Variants in RCOR3 observed in about 807,000 individuals in gnomAD.
The protein encoded by RCOR3 is REST corepressor 3.
In RCOR3, 13 loss-of-function variants were observed where a neutral mutation model predicts 64.1. The observed-to-expected ratio is 0.20, with a 90% confidence interval of 0.13 to 0.32. RCOR3 has a LOEUF of 0.32. Among genes scored for constraint, RCOR3 ranks in the 10% least tolerant of loss-of-function variants. The probability of loss-of-function intolerance (pLI) is 1.00; values close to 1 mark genes in which losing one functional copy is unlikely to be tolerated. For synonymous variants in RCOR3, 215 were observed against 239.0 expected (o/e 0.90, Z 0.93); for missense variants, 489 against 701.2 (o/e 0.70, Z 3.42).
intron 5 of RCOR3, among the ~76,000 whole-genome samples, chr1:211,277,741 AGGT>A (rs1412790880): frequency 1.3e-5 from 2 of 152,186 alleles, no homozygotes; most frequent in Non-Finnish European, 1.5e-5. Flanking sequence ...AATTAGATAG[AGGT>A]GGTGATTGTA....
At position 211,312,972 on chromosome 1, in the gene RCOR3, G is replaced by T. The variant is rs1470525474; in HGVS notation, c.1317+11G>T. 1.1e-5 allele frequency: 18 copies of T among 1,614,006 alleles called. No individual in the cohort carries two copies. The highest frequency in any genetic ancestry group is 1.5e-5 in the Non-Finnish European group (18 of 1,180,016). ...GATGAAGAAGAGGAGGTGTGTTTGT[G>T]TATGGAATTTGAGCTAATATGAGTT... is the stretch of plus-strand genomic sequence containing the variant. On this transcript the variant is annotated intron_variant, in intron 11 of 11. Coordinates refer to ENST00000419091, the MANE Select transcript of RCOR3 (RefSeq NM_001136223.3). This position sits in a 1 kb window ranked among gnomAD's most constrained non-coding sequence, Gnocchi z 5.0.
chr1:211,286,957 C>T (rs901221470), intron 7 of RCOR3, among the ~76,000 whole-genome samples: 1 of 152,148 alleles, frequency 6.6e-6, no homozygotes, highest in African/African-American at 2.4e-5. Flanking sequence ...TTAGTGAAGA[C>T]CTGTTGGTCA....
intron 9 of RCOR3, 103 bp from the exon 10 acceptor site, chr1:211,303,977 TGTA>T (rs1173136254): frequency 2.6e-5 from 15 of 575,518 alleles, no homozygotes; most frequent in East Asian, 6.1e-5. Context: ...GAATCAGAGT[TGTA>T]GTAATCTCAT....
At position 211,313,646 on chromosome 1, in the gene RCOR3, A is replaced by G. The variant is rs775970447; in HGVS notation, c.1540A>G (p.Ile514Val). 8.7e-6 allele frequency: 14 copies of G among 1,613,974 alleles called. No homozygotes were observed. The highest frequency in any genetic ancestry group is 1.0e-5 in the Non-Finnish European group (12 of 1,180,014). ...PTLNQPPPPL[I>V]RPANSMPPRL... The stretch of plus-strand genomic sequence containing the variant: ...TTTAAATCAGCCTCCACCACCTCTT[A>G]TTCGCCCTGCTAATTCCATGCCACC... Residue 514 changes from isoleucine (I) to valine (V), a missense_variant, in exon 12 of 12, where the codon ATT becomes GTT. Transcript: ENST00000419091. This position sits in a 1 kb window ranked among gnomAD's most constrained non-coding sequence, Gnocchi z 4.7.
intron 9 of RCOR3, among the ~76,000 whole-genome samples, chr1:211,299,341 T>A (rs572633319): frequency 8.6e-4 from 131 of 152,306 alleles, no homozygotes; most frequent in South Asian, 1.2e-3. Context: ...GTCGCTGGCA[T>A]GTCTTCTGCT....
intron 2 of RCOR3, among the ~76,000 whole-genome samples, chr1:211,263,072 T>A (rs1011697117): frequency 1.5e-5 from 2 of 136,930 alleles, no homozygotes; most frequent in Admixed American, 8.3e-5. Flanking sequence ...CCTTCCTGTG[T>A]CCGTGTGTTC....
intron 8 of RCOR3, among the ~76,000 whole-genome samples, chr1:211,289,942 A>T (rs1365758141): frequency 6.6e-6 from 1 of 152,130 alleles, no homozygotes; most frequent in Admixed American, 6.6e-5. Flanking sequence ...GAGCTCTTTA[A>T]CTTCTTTCAG....
At chr1:211,260,858 C>T (rs978971046) in intron 2 of RCOR3, 9 of 152,488 alleles carry the variant, frequency 5.9e-5, no homozygotes, top group African/African-American at 1.7e-4. Context: ...CATTTTCTCC[C>T]CGACCAGCCA....
chr1:211,288,520 TAA>T lies in RCOR3; in HGVS notation c.721-657_721-656del, dbSNP rs1698840997. On this transcript the variant is annotated intron_variant, in intron 7 of 11. Transcript: ENST00000419091. Reference sequence around the variant, plus strand: ...ATAAATTATTTTATAAATATATTTATAATAAATTTATAAATTATAAAATTATT... The same window carrying T: ...ATAAATTATTTTATAAATATATTTATTAAATTTATAAATTATAAAATTATT... Among the ~76,000 whole-genome samples the T allele has an allele frequency of 4.1e-5, 6 of 145,598 alleles. No individual in the cohort carries two copies. In the East Asian group the frequency reaches 5.9e-4, roughly 14 times the overall value.
chr1:211,263,825 T>G lies in RCOR3; in HGVS notation c.223+3661T>G, dbSNP rs562017219. On this transcript the variant is annotated intron_variant, in intron 2 of 11. Coordinates refer to ENST00000419091, the MANE Select transcript of RCOR3 (RefSeq NM_001136223.3). ...TGAAAAGTTTTTTTTGTTTTGTTTT[T>G]TTTTTGTTTTTTTTAGGCAGAGTCT... Among the ~76,000 whole-genome samples, 38 of 151,416 alleles carry G rather than the reference T, an allele frequency of 2.5e-4. 1 individual carries two copies. The highest frequency in any genetic ancestry group is 8.4e-4 in the African/African-American group (35 of 41,464).
chr1:211,293,951 T>G (rs368666928), intron 8 of RCOR3, among the ~76,000 whole-genome samples: 1 of 152,216 alleles, frequency 6.6e-6, no homozygotes, highest in African/African-American at 2.4e-5. Flanking sequence ...AAACTTGGTA[T>G]AGTTTAAATT....
At chr1:211,271,170 T>C (rs1164710313) in intron 2 of RCOR3, 62 bp from the exon 3 acceptor site, 1 of 1,488,988 alleles carries the variant, frequency 6.7e-7, no homozygotes, top group Admixed American at 1.7e-5. Flanking sequence ...TTACTTTGTT[T>C]CTACTTATTT....
intron 4 of RCOR3, 32 bp downstream of exon 4, chr1:211,274,294 T>G: frequency 7.0e-7 from 1 of 1,433,748 alleles, no homozygotes; most frequent in Non-Finnish European, 9.8e-7. Context: ...TAGTAAGGCT[T>G]GTCCCAATAT....
chr1:211,279,304 A>G lies in RCOR3; in HGVS notation c.708A>G (p.Glu236=). The G allele has an allele frequency of 6.2e-7, 1 of 1,610,252 alleles. No individual in the cohort carries two copies. The highest frequency in any genetic ancestry group is 8.5e-7 in the Non-Finnish European group (1 of 1,177,014). Residue 236 remains glutamate, a synonymous_variant, in exon 7 of 12, where the codon GAA becomes GAG. Transcript: ENST00000419091. ...GNDSDYDPKK[E]AKKEGNTEQP... is the part of the protein sequence containing the mutation. ...ATAGTGATTATGATCCCAAAAAAGA[A>G]GCCAAAAAAGAGGTAATGATGATCA...
rs145681038 is a variant in RCOR3, at chr1:211,260,136, C to T, written c.195C>T (p.Tyr65=). 5.1e-5 allele frequency: 82 copies of T among 1,612,108 alleles called. No individual in the cohort carries two copies. In the African/African-American group the frequency reaches 8.6e-4, roughly 17 times the overall value. ...HDVGMRVGAE[Y]QARIPEFDPG... is the part of the protein sequence containing the mutation. ...TTGGGATGAGAGTCGGAGCCGAATA[C>T]CAAGCTCGGATCCCTGAATTTGATC... Residue 65 remains tyrosine, a synonymous_variant, in exon 2 of 12, where the codon TAC becomes TAT. Coordinates refer to ENST00000419091, the MANE Select transcript of RCOR3 (RefSeq NM_001136223.3).
rs1228228279 is a variant in RCOR3, at chr1:211,259,666, A to G, written c.106A>G (p.Thr36Ala). Residue 36 changes from threonine to alanine, a missense_variant, in exon 1 of 12, where the codon ACC becomes GCC. By Grantham distance (58) the Thr-to-Ala change is moderately conservative. Transcript: ENST00000419091. Reference sequence around the variant, plus strand: ...CGGCGGCGGCAGCGGCGCCTCGTCCACCAACGGCGGGCTGCACTACTCAGA... The same window carrying G: ...CGGCGGCGGCAGCGGCGCCTCGTCCGCCAACGGCGGGCTGCACTACTCAGA... Reference protein sequence around the residue: ...AGGGGSGASSTNGGLHYSEPE... With the variant: ...AGGGGSGASSANGGLHYSEPE... The G allele has an allele frequency of 2.6e-6, 4 of 1,546,076 alleles. No individual in the cohort carries two copies. In the East Asian group the frequency reaches 9.9e-5, roughly 38 times the overall value.
chr1:211,291,425 A>G, intron 8 of RCOR3: 1 of 379,118 alleles, frequency 2.6e-6, no homozygotes, highest in South Asian at 2.0e-5. Flanking sequence ...TTATGCAAAT[A>G]TCCCAAAATC....
Position 211,289,333 on chromosome 1 carries a change from T to C in RCOR3, c.876T>C (p.Ser292=), listed in dbSNP as rs1698954002. 2 of 1,614,084 alleles carry C rather than the reference T, an allele frequency of 1.2e-6. No homozygotes were observed. Among genetic ancestry groups the C allele is most frequent in the African/African-American group, 2.7e-5 (2 of 75,014 alleles). The part of the protein sequence containing the change: ...TQEDVVAVSC[S]PNAANTILRQ... ...AAGATGTGGTAGCAGTTTCCTGTAGTCCCAATGCAGCCAACACCATCCTGA... is the reference window on the plus strand; with the variant it reads ...AAGATGTGGTAGCAGTTTCCTGTAGCCCCAATGCAGCCAACACCATCCTGA... The change falls in exon 8 of 12, where the codon AGT becomes AGC. Residue 292 remains serine, a synonymous_variant. Coordinates refer to ENST00000419091, the MANE Select transcript of RCOR3 (RefSeq NM_001136223.3).
Position 211,315,604 on chromosome 1 carries a change from C to G in RCOR3, c.*1836C>G, listed in dbSNP as rs1306994122. ...ACATTTTTTAAAGCACTTAGATTGTCTTACGTATGTGCATACTATACCTTT... is the reference window on the plus strand; with the variant it reads ...ACATTTTTTAAAGCACTTAGATTGTGTTACGTATGTGCATACTATACCTTT... On this transcript the variant is annotated 3_prime_UTR_variant, in exon 12 of 12. Coordinates refer to ENST00000419091, the MANE Select transcript of RCOR3 (RefSeq NM_001136223.3). The G allele has an allele frequency of 1.3e-5, 2 of 152,188 alleles. No homozygotes were observed. The highest frequency in any genetic ancestry group is 1.3e-4 in the Admixed American group (2 of 15,284). The allele number at this position is 152,188 out of a possible 1,614,324, so 9.4% of individuals were successfully genotyped here. A position where few individuals can be genotyped will look rare whatever the true frequency, so the allele number is the denominator to read the frequency against.
Sources: gnomAD v4.1 joint callset for allele counts (sites outside exome capture counted in the v4.1 genomes callset) on GRCh38, gnomAD v4.1.1 for gene constraint, Gnocchi (gnomAD v3.1) non-coding constraint, MANE v1.5 for transcripts, NCBI Gene and HGNC (gene_info 2026-07-23, HGNC 2026-07-21) for gene names.